Variants in RSPH9 observed in about 807,000 individuals in gnomAD.
RSPH9 encodes radial spoke head component 9, also known as radial spoke head protein 9 homolog.
Under a neutral mutation model 27.0 loss-of-function variants are expected in RSPH9, and 27 were observed. The observed-to-expected ratio is 1.00, with a 90% confidence interval of 0.74 to 1.38. The LOEUF (loss-of-function observed/expected upper bound fraction) is 1.38, where lower values mean the gene tolerates loss of function less well. Ranked by LOEUF, RSPH9 falls within the 40% of genes most tolerant of loss-of-function variation. RSPH9 has a pLI of 0.00. For synonymous variants in RSPH9, 145 were observed against 147.7 expected (o/e 0.98, Z 0.13); for missense variants, 347 against 357.4 (o/e 0.97, Z 0.24).
chr6:43,652,111 C>T (rs1305860879), intron 2 of RSPH9, among the ~76,000 whole-genome samples: 1 of 151,362 alleles, frequency 6.6e-6, no homozygotes, highest in East Asian at 2.0e-4. Flanking sequence ...TTGAGACCAT[C>T]CTGGCTAACA....
At chr6:43,653,735 C>CAGGCCAG (rs1293815064) in intron 2 of RSPH9, among the ~76,000 whole-genome samples, 1 of 152,056 alleles carries the variant, frequency 6.6e-6, no homozygotes, top group Non-Finnish European at 1.5e-5. Context: ...TTTTGTTGCC[C>CAGGCCAG]AGGCCAGAGT....
intron 4 of RSPH9, among the ~76,000 whole-genome samples, chr6:43,664,026 CG>C (rs1220428427): frequency 3.1e-5 from 4 of 127,552 alleles, no homozygotes; most frequent in African/African-American, 5.9e-5. Context: ...GAGAATGTCT[CG>C]AAAAAAAAAA....
At chr6:43,656,233 C>G (rs2127910108) in intron 3 of RSPH9, among the ~76,000 whole-genome samples, 1 of 152,058 alleles carries the variant, frequency 6.6e-6, no homozygotes, top group South Asian at 2.1e-4. Flanking sequence ...TTACAGACAC[C>G]CTCTACCACG....
intron 2 of RSPH9, 61 bp from the exon 3 acceptor site, chr6:43,655,501 C>T (rs1771912541): frequency 1.9e-6 from 3 of 1,607,588 alleles, no homozygotes; most frequent in African/African-American, 1.3e-5. Context: ...GCAGAGGGAC[C>T]TTGCGCCGGG....
rs1773797534 is a variant in RSPH9, at chr6:43,672,551, G to A, written c.*1602G>A. ...AGTTCCCAGAAAAGTGGCTCATGCC[G>A]GCTAGGATTGGGTTTTACTCTGTCC... On this transcript the variant is annotated 3_prime_UTR_variant, in exon 5 of 5. Coordinates refer to ENST00000372163, the MANE Select transcript of RSPH9 (RefSeq NM_152732.5). The A allele has an allele frequency of 9.6e-6, 4 of 415,284 alleles. No homozygotes were observed. The highest frequency in any genetic ancestry group is 1.7e-5 in the South Asian group (1 of 57,482). 25.7% of individuals were successfully genotyped at this position (415,284 alleles called of 1,614,324 possible).
chr6:43,660,125 C>T (rs955443538), intron 4 of RSPH9, among the ~76,000 whole-genome samples: 1 of 147,544 alleles, frequency 6.8e-6, no homozygotes, highest in African/African-American at 2.5e-5. Flanking sequence ...CTCACTGCAA[C>T]CCCTGCCTCC....
At position 43,671,861 on chromosome 6, in the gene RSPH9, T is replaced by C. The variant is rs777005164; in HGVS notation, c.*912T>C. The C allele has an allele frequency of 2.5e-6, 4 of 1,613,962 alleles. No individual in the cohort carries two copies. The Admixed American group carries it at 5.0e-5, about 20-fold the overall frequency. ...GCACCCTGTTCCAGCGGGGGCCTTT[T>C]TTGTAGATGGGCTTGACGGAGCCAG... is the stretch of plus-strand genomic sequence containing the variant. On this transcript the variant is annotated 3_prime_UTR_variant, in exon 5 of 5. Transcript: ENST00000372163.
intron 3 of RSPH9, among the ~76,000 whole-genome samples, chr6:43,656,036 C>CCTTCCT (rs1561940160): frequency 2.9e-5 from 3 of 101,792 alleles, no homozygotes; most frequent in African/African-American, 1.4e-4. Context: ...TTCCTTCCTT[C>CCTTCCT]CCCTTCTTTC....
intron 4 of RSPH9, among the ~76,000 whole-genome samples, chr6:43,666,124 C>A (rs182391118): frequency 6.6e-6 from 1 of 152,300 alleles, no homozygotes; most frequent in Non-Finnish European, 1.5e-5. Context: ...CCGTGCCCAG[C>A]CTAGGCCCAC....
chr6:43,668,947 ACT>A lies in RSPH9; in HGVS notation c.671-1839_671-1838del, dbSNP rs796858312. Among the ~76,000 whole-genome samples, 30 of 151,964 alleles carry A rather than the reference ACT, an allele frequency of 2.0e-4. 2 individuals carry two copies. Among genetic ancestry groups the A allele is most frequent in the South Asian group, 1.2e-3 (6 of 4,816 alleles). On this transcript the variant is annotated intron_variant, in intron 4 of 4. Coordinates refer to ENST00000372163, the MANE Select transcript of RSPH9 (RefSeq NM_152732.5). ...AAGGCTGAAGCAGTGGAGTTGGAACACTCTGTCCTGTTGGACCCCCACCCTCA... is the reference window on the plus strand; with the variant it reads ...AAGGCTGAAGCAGTGGAGTTGGAACACTGTCCTGTTGGACCCCCACCCTCA...
chr6:43,663,764 T>G (rs928350782), intron 4 of RSPH9, among the ~76,000 whole-genome samples: 1 of 152,080 alleles, frequency 6.6e-6, no homozygotes, highest in Non-Finnish European at 1.5e-5. Flanking sequence ...GTGCGGTGAC[T>G]CATGCCTGTA....
intron 4 of RSPH9, among the ~76,000 whole-genome samples, chr6:43,670,558 C>A (rs894463489): frequency 3.3e-5 from 5 of 152,156 alleles, no homozygotes; most frequent in African/African-American, 1.2e-4. Context: ...GTTGTGATTG[C>A]GCCACTGCAT....
At chr6:43,666,025 C>T (rs531513612) in intron 4 of RSPH9, among the ~76,000 whole-genome samples, 2 of 152,088 alleles carry the variant, frequency 1.3e-5, no homozygotes, top group African/African-American at 4.8e-5. Context: ...GAGGTTTCAC[C>T]GTGTTGCCCA....
intron 4 of RSPH9, among the ~76,000 whole-genome samples, chr6:43,660,446 C>A (rs1235332189): frequency 2.6e-5 from 4 of 151,900 alleles, no homozygotes; most frequent in African/African-American, 9.7e-5. Context: ...ATGAGTCATG[C>A]ATATTCTTTT....
In RSPH9 at chr6:43,656,658, T is replaced by C. The variant is rs763847806; in HGVS notation, c.605T>C (p.Leu202Pro). ...GTTGAGCTAAAGAATAAGACCTTGC[T>C]TGAGAAGGCTGACCTGGACCCCTCC... The part of the protein sequence containing the change: ...EPVELKNKTL[L>P]EKADLDPSLD... The change falls in exon 4 of 5, where the codon CTT becomes CCT. Residue 202 changes from leucine (L) to proline (P), a missense_variant. Leu to Pro is a moderately conservative substitution (Grantham distance 98). Coordinates refer to ENST00000372163, the MANE Select transcript of RSPH9 (RefSeq NM_152732.5). 6.2e-7 allele frequency: 1 copy of C among 1,614,230 alleles called. No individual in the cohort carries two copies.
rs1773701375 is a variant in RSPH9, at chr6:43,671,656, A to G, written c.*707A>G. On this transcript the variant is annotated 3_prime_UTR_variant, in exon 5 of 5. Coordinates refer to ENST00000372163, the MANE Select transcript of RSPH9 (RefSeq NM_152732.5). Reference sequence around the variant, plus strand: ...CCATGCATGTTGGAGGGACCAGGCCATCGTGGTGGGGTGGGACAGGAGTAT... The same window carrying G: ...CCATGCATGTTGGAGGGACCAGGCCGTCGTGGTGGGGTGGGACAGGAGTAT... The G allele has an allele frequency of 7.4e-7, 1 of 1,360,332 alleles. No homozygotes were observed. Among genetic ancestry groups the G allele is most frequent in the East Asian group, 2.3e-5 (1 of 43,520 alleles). The allele number at this position is 1,360,332 out of a possible 1,614,324, so 84.3% of individuals were successfully genotyped here. A position where few individuals can be genotyped will look rare whatever the true frequency, so the allele number is the denominator to read the frequency against.
At chr6:43,649,890 C>A (rs1771271330) in intron 1 of RSPH9, among the ~76,000 whole-genome samples, 1 of 152,146 alleles carries the variant, frequency 6.6e-6, no homozygotes, top group African/African-American at 2.4e-5. Flanking sequence ...GAAATTGAAT[C>A]TGTTTATTAC....
Position 43,668,892 on chromosome 6 carries a change from C to T in RSPH9, c.671-1897C>T, listed in dbSNP as rs890438328. ...TGGTGGGGTGACCAAGTGAGGGAAT[C>T]GGATCTCCCTGGGTCTGTGCTTCTT... On this transcript the variant is annotated intron_variant, in intron 4 of 4. Coordinates refer to ENST00000372163, the MANE Select transcript of RSPH9 (RefSeq NM_152732.5). 6.6e-5 allele frequency among the ~76,000 whole-genome samples: 10 copies of T among 152,304 alleles called. 1 individual carries two copies. In the South Asian group the frequency reaches 1.7e-3, roughly 25 times the overall value.
intron 4 of RSPH9, among the ~76,000 whole-genome samples, chr6:43,661,411 A>C (rs909301081): frequency 7.2e-5 from 11 of 152,194 alleles, no homozygotes; most frequent in African/African-American, 2.7e-4. Context: ...CTGTCATCTC[A>C]ACACTTTGGG....
Sources: allele counts gnomAD v4.1 joint callset (sites outside exome capture counted in the v4.1 genomes callset), GRCh38; gene constraint gnomAD v4.1.1; transcripts MANE v1.5; gene names NCBI Gene and HGNC (gene_info 2026-07-23, HGNC 2026-07-21).